Variants in LYST observed in about 807,000 individuals in gnomAD.
LYST encodes lysosomal trafficking regulator.
Under a neutral mutation model 413.6 loss-of-function variants are expected in LYST, and 192 were observed. That is an observed-to-expected ratio of 0.46 (90% CI 0.41 to 0.52). The LOEUF (loss-of-function observed/expected upper bound fraction) is 0.52, where lower values mean the gene tolerates loss of function less well. Ranked by LOEUF, LYST falls within the 20% of genes least tolerant of loss-of-function variation. The pLI is 0.00. For missense variants in LYST, 3,815 were observed against 4,499.9 expected (o/e 0.85, Z 4.35); for synonymous variants, 1,525 against 1,567.3 (o/e 0.97, Z 0.64).
rs768270867 is a variant in LYST, at chr1:235,806,571, A to T, written c.2565T>A (p.Gly855=). Residue 855 remains glycine, a synonymous_variant, in exon 6 of 53, where the codon GGT becomes GGA. Transcript: ENST00000389793. The part of the protein sequence containing the change: ...EQKELSSVHV[G]TSFHHQQAYS... ...AAGCTTGCTGATGATGAAAAGAAGT[A>T]CCCACATGTACAGAGGACAACTCCT... 6 of 1,613,996 alleles carry T rather than the reference A, an allele frequency of 3.7e-6. No individual in the cohort carries two copies. The South Asian group carries it at 6.6e-5, about 18-fold the overall frequency.
chr1:235,714,978 CTT>C (rs542413268), intron 42 of LYST, among the ~76,000 whole-genome samples: 155 of 152,212 alleles, frequency 1.0e-3, no homozygotes, highest in African/African-American at 3.6e-3. Context: ...TTTTTATAAA[CTT>C]AGACATTTAA....
intron 21 of LYST, among the ~76,000 whole-genome samples, chr1:235,765,300 T>A (rs1668021562): frequency 6.6e-6 from 1 of 152,222 alleles, no homozygotes; most frequent in South Asian, 2.1e-4. Flanking sequence ...TCCTTTCCAG[T>A]TCCACTGTTA....
At chr1:235,667,155 G>A (rs867376948) in intron 50 of LYST, among the ~76,000 whole-genome samples, 10 of 152,266 alleles carry the variant, frequency 6.6e-5, no homozygotes, top group South Asian at 2.1e-4. Context: ...TCAACTAAAA[G>A]TCAGAAACCT....
intron 12 of LYST, 150 bp downstream of exon 12, chr1:235,791,549 A>C: frequency 1.4e-6 from 1 of 711,160 alleles, no homozygotes; most frequent in Admixed American, 2.3e-5. Flanking sequence ...TCATGCTTTG[A>C]TAAGTCAGGA....
At chr1:235,696,857 A>G (rs1661146477) in intron 46 of LYST, among the ~76,000 whole-genome samples, 1 of 152,128 alleles carries the variant, frequency 6.6e-6, no homozygotes, top group Non-Finnish European at 1.5e-5. Flanking sequence ...GAACATAACC[A>G]TCTATTCTTG....
Position 235,724,061 on chromosome 1 carries a change from G to A in LYST, c.9282C>T (p.Gly3094=). ...TATCAAATGCCAACAGGAGTGTTCTGCCATTTGTTAGAAAGATTTCTACAG... is the reference window on the plus strand; with the variant it reads ...TATCAAATGCCAACAGGAGTGTTCTACCATTTGTTAGAAAGATTTCTACAG... The part of the protein sequence containing the change: ...DNAVEIFLTN[G]RTLLLAFDNT... Residue 3094 remains glycine (G), a synonymous_variant, in exon 39 of 53, where the codon GGC becomes GGT. Coordinates refer to ENST00000389793, the MANE Select transcript of LYST (RefSeq NM_000081.4). 1 of 1,613,740 alleles carries A rather than the reference G, an allele frequency of 6.2e-7. No homozygotes were observed. The highest frequency in any genetic ancestry group is 8.5e-7 in the Non-Finnish European group (1 of 1,179,724).
At chr1:235,826,026 T>C (rs1022180600) in intron 3 of LYST, among the ~76,000 whole-genome samples, 3 of 152,228 alleles carry the variant, frequency 2.0e-5, no homozygotes, top group Non-Finnish European at 4.4e-5. Flanking sequence ...CCCATAAATA[T>C]AGAAAAAGTG....
chr1:235,700,896 G>A (rs1661494838), intron 45 of LYST, among the ~76,000 whole-genome samples: 1 of 152,150 alleles, frequency 6.6e-6, no homozygotes, highest in Non-Finnish European at 1.5e-5. Context: ...TGGGAGTATA[G>A]ACAAATAAAT....
chr1:235,828,095 T>A, intron 3 of LYST: 2 of 846,490 alleles, frequency 2.4e-6, no homozygotes, highest in Non-Finnish European at 2.8e-6. Context: ...TCTTTTAGAA[T>A]GGCTAACACT....
intron 21 of LYST, among the ~76,000 whole-genome samples, chr1:235,764,320 G>C (rs1667892273): frequency 6.6e-6 from 1 of 152,010 alleles, no homozygotes; most frequent in African/African-American, 2.4e-5. Context: ...AACGTCTTAA[G>C]AGAGGGGACC....
intron 6 of LYST, among the ~76,000 whole-genome samples, chr1:235,805,085 CAGTTAGGTGTA>C (rs1672664397): frequency 6.6e-6 from 1 of 152,156 alleles, no homozygotes; most frequent in South Asian, 2.1e-4. Flanking sequence ...GCTGACTGAA[CAGTTAGGTGTA>C]AGTTAGTGAG....
intron 21 of LYST, 110 bp downstream of exon 21, chr1:235,765,969 T>C: frequency 1.2e-6 from 1 of 869,068 alleles, no homozygotes. Context: ...CCCCAATATG[T>C]AATTAGAGCA....
chr1:235,762,876 C>G, intron 21 of LYST, 25 bp from the exon 22 acceptor site: 1 of 1,605,326 alleles, frequency 6.2e-7, no homozygotes, highest in Middle Eastern at 1.7e-4. Context: ...TTTTTTGAAA[C>G]AGCAAAATTT....
chr1:235,724,112 C>T lies in LYST; in HGVS notation c.9231G>A (p.Lys3077=), dbSNP rs1328019463. 15 of 1,613,572 alleles carry T rather than the reference C, an allele frequency of 9.3e-6. No homozygotes were observed. Among genetic ancestry groups the T allele is most frequent in the Non-Finnish European group, 1.2e-5 (14 of 1,179,530 alleles). Residue 3077 remains lysine (K), a synonymous_variant, in exon 39 of 53, where the codon AAG becomes AAA. Coordinates refer to ENST00000389793, the MANE Select transcript of LYST (RefSeq NM_000081.4). ...CATTATCTCTCAATTGCCACCAACG[C>T]TTGTGAACTTCTTTAATTTCTTCAT... ...WTYEEIKEVH[K]RWWQLRDNAV...
chr1:235,767,234 T>C (rs1198727486), intron 20 of LYST, among the ~76,000 whole-genome samples: 1 of 152,142 alleles, frequency 6.6e-6, no homozygotes, highest in African/African-American at 2.4e-5. Flanking sequence ...ATCTTCCCTC[T>C]TCATATGTCC....
At chr1:235,754,661 A>T (rs1666834370) in intron 25 of LYST, among the ~76,000 whole-genome samples, 1 of 152,212 alleles carries the variant, frequency 6.6e-6, no homozygotes, top group African/African-American at 2.4e-5. Context: ...GTTATATTAG[A>T]AAGAACATCA....
intron 31 of LYST, among the ~76,000 whole-genome samples, chr1:235,739,651 G>A (rs1194298054): frequency 6.7e-6 from 1 of 150,374 alleles, no homozygotes; most frequent in Non-Finnish European, 1.5e-5. Flanking sequence ...TCAAATAGTT[G>A]ACAAGGGAAA....
At chr1:235,730,793 C>T (rs1345476481) in intron 36 of LYST, 54 bp downstream of exon 36, 1 of 1,076,862 alleles carries the variant, frequency 9.3e-7, no homozygotes, top group African/African-American at 1.6e-5. Context: ...ATAAACACTA[C>T]AATAAGCTGT....
chr1:235,730,723 T>C lies in LYST; in HGVS notation c.9044+124A>G. On this transcript the variant is annotated intron_variant, in intron 36 of 52. Transcript: ENST00000389793. ...TTGGCCATATAACCTTGTCCTCCCT[T>C]GAGCCTTTCCTGTTTAGGATTTTTC... 4 of 763,130 alleles carry C rather than the reference T, an allele frequency of 5.2e-6. No homozygotes were observed. In the South Asian group the frequency reaches 6.1e-5, roughly 12 times the overall value. The allele number at this position is 763,130 out of a possible 1,614,324, so 47.3% of individuals were successfully genotyped here. A position where few individuals can be genotyped will look rare whatever the true frequency, so the allele number is the denominator to read the frequency against.
Sources: allele counts gnomAD v4.1 joint callset (sites outside exome capture counted in the v4.1 genomes callset), GRCh38; gene constraint gnomAD v4.1.1; transcripts MANE v1.5; gene names NCBI Gene and HGNC (gene_info 2026-07-23, HGNC 2026-07-21).